The following CSMD1 variants were observed in gnomAD, a reference collection of about 807,000 sequenced individuals.
CSMD1 encodes CUB and Sushi multiple domains 1.
CSMD1 carries 213 observed loss-of-function variants against 417.5 expected under a neutral mutation model. The observed-to-expected ratio is 0.51, with a 90% confidence interval of 0.46 to 0.57. The LOEUF (loss-of-function observed/expected upper bound fraction) is 0.57. CSMD1 is among the 20% of genes least tolerant of loss of function. CSMD1 has a pLI of 0.00. For missense variants in CSMD1, 6,923 were observed against 4,529.7 expected (o/e 1.53, Z -15.17); for synonymous variants, 2,862 against 1,736.8 (o/e 1.65, Z -16.11).
intron 12 of CSMD1, among the ~76,000 whole-genome samples, chr8:3,459,272 C>G (rs1482521814): frequency 6.6e-6 from 1 of 152,142 alleles, no homozygotes; most frequent in Non-Finnish European, 1.5e-5. Context: ...CCAGAGTGAG[C>G]AGGGTGAGGC....
intron 7 of CSMD1, among the ~76,000 whole-genome samples, chr8:3,696,494 T>C (rs529767118): frequency 6.6e-6 from 1 of 152,324 alleles, no homozygotes; most frequent in East Asian, 1.9e-4. Flanking sequence ...ACCCAACGGA[T>C]GTGACGAAAG....
At chr8:3,035,515 T>C (rs1045469000) in intron 50 of CSMD1, among the ~76,000 whole-genome samples, 4 of 152,164 alleles carry the variant, frequency 2.6e-5, no homozygotes, top group African/African-American at 9.7e-5. Context: ...ACGGGAAAAT[T>C]TGATTTATTC....
intron 41 of CSMD1, among the ~76,000 whole-genome samples, chr8:3,133,941 G>A (rs533152863): frequency 6.6e-6 from 1 of 152,288 alleles, no homozygotes; most frequent in African/African-American, 2.4e-5. Context: ...CTGGGAGGCC[G>A]AGGCAGGCAG....
intron 3 of CSMD1, among the ~76,000 whole-genome samples, chr8:4,316,107 ATTG>A (rs1384543569): frequency 6.6e-6 from 1 of 152,176 alleles, no homozygotes; most frequent in African/African-American, 2.4e-5. Flanking sequence ...ACCACTCATT[ATTG>A]TTAACCCTCT....
chr8:4,424,265 G>A (rs540282112), intron 2 of CSMD1, among the ~76,000 whole-genome samples: 1 of 151,952 alleles, frequency 6.6e-6, no homozygotes, highest in South Asian at 2.1e-4. Flanking sequence ...GCTGCAGACT[G>A]GGAAAACACA....
At chr8:3,002,921 T>C (rs1807539054) in intron 52 of CSMD1, among the ~76,000 whole-genome samples, 3 of 152,206 alleles carry the variant, frequency 2.0e-5, no homozygotes, top group African/African-American at 4.8e-5. Flanking sequence ...AAACATTTCA[T>C]TTTACCTCCT....
rs530543682 is a variant in CSMD1 at position 4,082,237 on chromosome 8, A to G, written c.416-50138T>C. 6.6e-5 allele frequency among the ~76,000 whole-genome samples: 10 copies of G among 152,330 alleles called. No homozygotes were observed. The East Asian group carries it at 1.9e-3, about 29-fold the overall frequency. On this transcript the variant is annotated intron_variant, in intron 3 of 69. Coordinates refer to ENST00000635120, the MANE Select transcript of CSMD1 (RefSeq NM_033225.6). ...TTATGACCACACAGGTAAAATGGAC[A>G]AAGTCCTAGAAAATTACAACCTATT...
chr8:3,893,171 G>A lies in CSMD1; in HGVS notation c.818+104732C>T, dbSNP rs139365453. Among the ~76,000 whole-genome samples, 391 of 151,348 alleles carry A rather than the reference G, an allele frequency of 2.6e-3. 4 individuals are homozygous for A. Among genetic ancestry groups the A allele is most frequent in the African/African-American group, 6.6e-3 (274 of 41,336 alleles). Reference sequence around the variant, plus strand: ...AAGAGTCTTTAGCCAAAGCTGCAGTGAAAAAACATGTTCCCAGGGCACGTC... The same window carrying A: ...AAGAGTCTTTAGCCAAAGCTGCAGTAAAAAAACATGTTCCCAGGGCACGTC... On this transcript the variant is annotated intron_variant, in intron 5 of 69. Transcript: ENST00000635120.
chr8:4,787,199 C>T (rs1585097146), intron 1 of CSMD1: 3 of 452,012 alleles, frequency 6.6e-6, no homozygotes, highest in South Asian at 2.6e-5. Flanking sequence ...CGCAGGGTCG[C>T]GGGGCCCCGC....
At chr8:3,380,372 A>T (rs10086039) in intron 18 of CSMD1, among the ~76,000 whole-genome samples, 1 of 152,174 alleles carries the variant, frequency 6.6e-6, no homozygotes, top group Non-Finnish European at 1.5e-5. Context: ...CATTTGACTC[A>T]GAAATCCCAT....
At chr8:3,705,480 G>A (rs1801116426) in intron 7 of CSMD1, among the ~76,000 whole-genome samples, 1 of 152,194 alleles carries the variant, frequency 6.6e-6, no homozygotes, top group African/African-American at 2.4e-5. Flanking sequence ...ACTCTACAGT[G>A]AACAGATAAT....
intron 3 of CSMD1, among the ~76,000 whole-genome samples, chr8:4,038,871 T>G (rs114565490): frequency 2.6e-5 from 4 of 152,148 alleles, no homozygotes; most frequent in Non-Finnish European, 5.9e-5. Flanking sequence ...ACTTGAAACA[T>G]AGGCTGCCAT....
At chr8:4,010,447 G>A (rs914388857) in intron 4 of CSMD1, among the ~76,000 whole-genome samples, 19 of 152,132 alleles carry the variant, frequency 1.2e-4, no homozygotes, top group South Asian at 1.2e-3. Flanking sequence ...AGGTAATCCT[G>A]GGAAAAACAT....
intron 3 of CSMD1, among the ~76,000 whole-genome samples, chr8:4,183,936 A>T (rs912939374): frequency 3.9e-5 from 6 of 152,146 alleles, no homozygotes; most frequent in African/African-American, 1.4e-4. Flanking sequence ...TAGTCTGGGA[A>T]ACCTATGAAC....
At chr8:4,928,807 C>A (rs1197079763) in intron 1 of CSMD1, among the ~76,000 whole-genome samples, 1 of 152,110 alleles carries the variant, frequency 6.6e-6, no homozygotes, top group Non-Finnish European at 1.5e-5. Context: ...TGCTGGCTCA[C>A]TCCTGTAATC....
intron 3 of CSMD1, among the ~76,000 whole-genome samples, chr8:4,245,730 C>G (rs1027400839): frequency 6.6e-6 from 1 of 152,086 alleles, no homozygotes; most frequent in South Asian, 2.1e-4. Context: ...AAGATATACA[C>G]TTCTTGGTGA....
At chr8:3,897,843 A>G (rs1237754982) in intron 5 of CSMD1, among the ~76,000 whole-genome samples, 2 of 152,134 alleles carry the variant, frequency 1.3e-5, no homozygotes, top group Non-Finnish European at 2.9e-5. Flanking sequence ...TAGCCTGAGG[A>G]TATTAAAGTG....
rs564436577 is a variant in CSMD1 at position 4,866,961 on chromosome 8, A to G, written c.85+127371T>C. 9.3e-4 allele frequency among the ~76,000 whole-genome samples: 142 copies of G among 152,128 alleles called. 1 individual carries two copies. Among genetic ancestry groups the G allele is most frequent in the Admixed American group, 6.0e-3 (91 of 15,282 alleles). ...CTTTTGCACCAACCTATATGGAACA[A>G]TCTTAAATACTAGAGACATTGTATT... On this transcript the variant is annotated intron_variant, in intron 1 of 69. Coordinates refer to ENST00000635120, the MANE Select transcript of CSMD1 (RefSeq NM_033225.6).
At chr8:4,466,612 C>G (rs1010656004) in intron 2 of CSMD1, among the ~76,000 whole-genome samples, 9 of 152,088 alleles carry the variant, frequency 5.9e-5, no homozygotes, top group African/African-American at 1.9e-4. Flanking sequence ...AGTTCATAAG[C>G]CAGTTCAATT....
Sources: allele counts gnomAD v4.1 joint callset (sites outside exome capture counted in the v4.1 genomes callset), GRCh38; gene constraint gnomAD v4.1.1; transcripts MANE v1.5; gene names NCBI Gene and HGNC (gene_info 2026-07-23, HGNC 2026-07-21).